TTC17: variants seen among roughly 807,000 people sequenced by gnomAD.
TTC17 encodes tetratricopeptide repeat domain 17.
In TTC17, 58 loss-of-function variants were observed where a neutral mutation model predicts 143.8. That is an observed-to-expected ratio of 0.40 (90% CI 0.33 to 0.50). The LOEUF is 0.50. Ranked by LOEUF, TTC17 falls within the 20% of genes least tolerant of loss-of-function variation. The probability of loss-of-function intolerance (pLI) is 0.49; values close to 1 mark genes in which losing one functional copy is unlikely to be tolerated. For missense variants in TTC17, 1,273 were observed against 1,392.5 expected (o/e 0.91, Z 1.37); for synonymous variants, 501 against 497.8 (o/e 1.01, Z -0.09).
At chr11:43,404,807 T>A (rs887337950) in intron 11 of TTC17, among the ~76,000 whole-genome samples, 3 of 152,238 alleles carry the variant, frequency 2.0e-5, no homozygotes, top group Non-Finnish European at 4.4e-5. Context: ...AGTAAGCCTC[T>A]GGTACATCTT....
intron 2 of TTC17, among the ~76,000 whole-genome samples, chr11:43,386,939 A>G (rs1263783758): frequency 6.6e-6 from 1 of 152,006 alleles, no homozygotes; most frequent in Non-Finnish European, 1.5e-5. Context: ...GGCAAGCACC[A>G]CCATCATACT....
intron 4 of TTC17, 37 bp downstream of exon 4, chr11:43,391,613 TTGCG>T: frequency 5.5e-6 from 5 of 911,374 alleles, no homozygotes; most frequent in South Asian, 1.7e-5. Context: ...TTTTTTTGCG[TTGCG>T]TTCTTCTTTC....
At chr11:43,445,769 G>C (rs1565170842) in intron 18 of TTC17, among the ~76,000 whole-genome samples, 1 of 152,188 alleles carries the variant, frequency 6.6e-6, no homozygotes, top group Non-Finnish European at 1.5e-5. Flanking sequence ...TCTATTCACT[G>C]CTAACTAATC....
chr11:43,397,533 C>A, intron 7 of TTC17, 42 bp downstream of exon 7: 30 of 1,273,042 alleles, frequency 2.4e-5, no homozygotes, highest in East Asian at 4.9e-5. Context: ...CTAGTTGCCA[C>A]TTTCTTTTTT....
intron 15 of TTC17, among the ~76,000 whole-genome samples, chr11:43,410,797 C>CT (rs1268846660): frequency 1.3e-5 from 2 of 152,198 alleles, no homozygotes; most frequent in Non-Finnish European, 2.9e-5. Flanking sequence ...ATAAAGCTAT[C>CT]TTTCCAGTTG....
intron 6 of TTC17, 64 bp from the exon 7 acceptor site, chr11:43,397,283 T>G: frequency 3.9e-6 from 6 of 1,543,736 alleles, no homozygotes; most frequent in Middle Eastern, 1.7e-4. Flanking sequence ...CAAGTAACTT[T>G]GAATGTCATT....
At chr11:43,387,507 TTAA>T (rs146191825) in intron 2 of TTC17, among the ~76,000 whole-genome samples, 5,110 of 152,094 alleles carry the variant, frequency 0.034, 107 homozygotes, top group Middle Eastern at 0.078. Flanking sequence ...TCTGTCCCCA[TTAA>T]TAATAACCCC....
intron 10 of TTC17, among the ~76,000 whole-genome samples, chr11:43,403,125 T>C (rs533225153): frequency 1.3e-5 from 2 of 152,238 alleles, no homozygotes; most frequent in East Asian, 3.9e-4. Context: ...CTCTTTATCT[T>C]AAAACCAAGC....
chr11:43,480,204 C>T (rs1053150926), intron 21 of TTC17, among the ~76,000 whole-genome samples: 7 of 152,178 alleles, frequency 4.6e-5, no homozygotes, highest in African/African-American at 1.4e-4. Flanking sequence ...TTCATTCATT[C>T]AGCAAATGGT....
intron 18 of TTC17, among the ~76,000 whole-genome samples, chr11:43,444,952 C>A (rs1254593560): frequency 6.6e-6 from 1 of 152,176 alleles, no homozygotes; most frequent in East Asian, 1.9e-4. Flanking sequence ...AGTTATTCTA[C>A]TTCTAGTAAT....
At chr11:43,375,006 T>C (rs1472643368) in intron 1 of TTC17, among the ~76,000 whole-genome samples, 4 of 152,176 alleles carry the variant, frequency 2.6e-5, no homozygotes. Context: ...ACATCAATAC[T>C]TTCTGTATTA....
At position 43,492,075 on chromosome 11, in the gene TTC17, A is replaced by G; in HGVS notation, c.3206A>G (p.Asp1069Gly). 2 of 1,614,100 alleles carry G rather than the reference A, an allele frequency of 1.2e-6. No homozygotes were observed. The highest frequency in any genetic ancestry group is 1.7e-6 in the Non-Finnish European group (2 of 1,179,998). The change falls in exon 23 of 24, where the codon GAC (aspartate) becomes GGC (glycine). Residue 1069 changes from aspartate (D) to glycine (G), a missense_variant. Asp to Gly is a moderately conservative substitution (Grantham distance 94). This residue lies in a region of TTC17 where 878 missense variants were observed against 899.8 expected (regional missense o/e 0.98). Transcript: ENST00000039989. ...NILHNAKLWN[D>G]AVIVATMAVE... The stretch of plus-strand genomic sequence containing the variant: ...TTGCACAATGCCAAGCTCTGGAATG[A>G]CGCCGTCATAGTAGCCACCATGGCA...
At chr11:43,433,828 A>G (rs949298909) in intron 16 of TTC17, among the ~76,000 whole-genome samples, 1 of 152,154 alleles carries the variant, frequency 6.6e-6, no homozygotes, top group Non-Finnish European at 1.5e-5. Flanking sequence ...ACATGTATCA[A>G]TGTGAAGAAT....
At chr11:43,451,109 C>T in intron 20 of TTC17, 73 bp from the exon 21 acceptor site, 1 of 1,459,552 alleles carries the variant, frequency 6.9e-7, no homozygotes, top group Non-Finnish European at 9.6e-7. Context: ...CAGTGCCCAA[C>T]TCAGCATTAG....
Position 43,444,076 on chromosome 11 carries a change from T to C in TTC17, c.2532T>C (p.Arg844=), listed in dbSNP as rs1256912987. The change falls in exon 18 of 24, where the codon CGT becomes CGC. Residue 844 remains arginine, a synonymous_variant. Coordinates refer to ENST00000039989, the MANE Select transcript of TTC17 (RefSeq NM_018259.6). ...ATEWITFQVK[R]VKKPKGDHKK... ...CCCAGATTACATTCCAGGTCAAACG[T>C]GTAAAGAAACCCAAAGGAGATCATA... The C allele has an allele frequency of 6.2e-7, 1 of 1,609,762 alleles. No homozygotes were observed. Among genetic ancestry groups the C allele is most frequent in the East Asian group, 2.2e-5 (1 of 44,806 alleles).
At chr11:43,408,108 G>A (rs1442995986) in intron 15 of TTC17, among the ~76,000 whole-genome samples, 2 of 151,892 alleles carry the variant, frequency 1.3e-5, no homozygotes, top group Non-Finnish European at 2.9e-5. Context: ...ATACAACTTT[G>A]GTTTTTCATA....
chr11:43,397,547 T>TG, intron 7 of TTC17, 56 bp downstream of exon 7: 1 of 1,481,822 alleles, frequency 6.7e-7, no homozygotes, highest in East Asian at 2.3e-5. Flanking sequence ...CTTTTTTTTT[T>TG]TTTTTTCTCC....
chr11:43,457,124 C>G (rs937340007), intron 21 of TTC17, among the ~76,000 whole-genome samples: 3 of 152,068 alleles, frequency 2.0e-5, no homozygotes, highest in Non-Finnish European at 4.4e-5. Context: ...ATTCCTGTTC[C>G]TCAGTTGTGG....
At chr11:43,370,803 T>TGTTC (rs1590311506) in intron 1 of TTC17, among the ~76,000 whole-genome samples, 2 of 141,600 alleles carry the variant, frequency 1.4e-5, no homozygotes, top group East Asian at 3.9e-4. Flanking sequence ...CAGGTTTGTT[T>TGTTC]GTTTGTTTGT....
Sources: allele counts gnomAD v4.1 joint callset (sites outside exome capture counted in the v4.1 genomes callset), GRCh38; gene constraint gnomAD v4.1.1; regional missense constraint gnomAD v4.1.1; transcripts MANE v1.5; gene names NCBI Gene and HGNC (gene_info 2026-07-23, HGNC 2026-07-21).